DOCK1: variants seen among roughly 807,000 people sequenced by gnomAD.
DOCK1 encodes dedicator of cytokinesis protein 1.
A neutral mutation model predicts 262.7 loss-of-function variants in DOCK1; 138 were observed. The observed-to-expected ratio is 0.53, with a 90% confidence interval of 0.46 to 0.61. The LOEUF is 0.61. DOCK1 is among the 20% of genes least tolerant of loss of function. DOCK1 has a pLI of 0.00. For missense variants in DOCK1, 1,908 were observed against 2,370.7 expected, an observed-to-expected ratio of 0.80 and a Z score of 4.05; for synonymous variants, 866 against 867.4, an observed-to-expected ratio of 1.00 and a Z score of 0.03.
chr10:126,934,662 T>G (rs1237709060), intron 1 of DOCK1, among the ~76,000 whole-genome samples: 1 of 152,164 alleles, frequency 6.6e-6, no homozygotes, highest in Non-Finnish European at 1.5e-5. Context: ...GTGTGTCAAC[T>G]TAACCTACTT....
rs7907649 is a variant in DOCK1 at position 127,379,479 on chromosome 10, C to G, written c.3676-603C>G. 3.6e-3 allele frequency among the ~76,000 whole-genome samples: 548 copies of G among 152,322 alleles called. 5 individuals are homozygous for G. The highest frequency in any genetic ancestry group is 0.012 in the African/African-American group (511 of 41,574). ...AATGTCTTGTGTAGACTGTTTGATA[C>G]AGTAGACTAGCCGCATGTGGCTGTT... On this transcript the variant is annotated intron_variant, in intron 35 of 51. Transcript: ENST00000623213.
chr10:127,045,832 A>T (rs2044311579), intron 21 of DOCK1, among the ~76,000 whole-genome samples: 1 of 152,178 alleles, frequency 6.6e-6, no homozygotes, highest in Non-Finnish European at 1.5e-5. Flanking sequence ...GAGCTGCTGC[A>T]GGCTCCTCAC....
intron 1 of DOCK1, among the ~76,000 whole-genome samples, chr10:126,956,618 G>A (rs1416664806): frequency 6.6e-6 from 1 of 152,194 alleles, no homozygotes; most frequent in Admixed American, 6.5e-5. Flanking sequence ...CTAAGCAAAT[G>A]TTTATTGTGC....
At chr10:127,122,855 G>A (rs773772318) in intron 25 of DOCK1, among the ~76,000 whole-genome samples, 27 of 152,168 alleles carry the variant, frequency 1.8e-4, no homozygotes, top group Non-Finnish European at 2.9e-4. Flanking sequence ...TGAACAGACA[G>A]ACACCTCTTT....
rs116810884 is a variant in DOCK1, at chr10:127,418,718, C to G, written c.4692+177C>G. ...CGGCCCCTGAAGCCTGCAGCAAGGT[C>G]AAGGCCGGAGTCCCGGCAAGGCTCC... On this transcript the variant is annotated intron_variant, in intron 45 of 51. Transcript: ENST00000623213. Among the ~76,000 whole-genome samples the G allele has an allele frequency of 2.9e-3, 443 of 152,356 alleles. No individual in the cohort carries two copies. Among genetic ancestry groups the G allele is most frequent in the African/African-American group, 9.3e-3 (388 of 41,584 alleles).
At chr10:127,380,166 A>G in intron 36 of DOCK1, 44 bp downstream of exon 36, 1 of 1,352,376 alleles carries the variant, frequency 7.4e-7, no homozygotes, top group Non-Finnish European at 1.0e-6. Flanking sequence ...TATAAATAAT[A>G]ATATATGTTG....
intron 1 of DOCK1, among the ~76,000 whole-genome samples, chr10:126,964,107 A>C (rs1384397493): frequency 6.6e-6 from 1 of 152,190 alleles, no homozygotes; most frequent in African/African-American, 2.4e-5. Context: ...AGCCGTTTGC[A>C]ACAATACAGT....
At chr10:127,284,339 A>G (rs1434803827) in intron 29 of DOCK1, among the ~76,000 whole-genome samples, 1 of 151,932 alleles carries the variant, frequency 6.6e-6, no homozygotes, top group Admixed American at 6.6e-5. Flanking sequence ...ATCTTTTTTA[A>G]TGATTTCTCT....
At chr10:127,420,785 G>A (rs906591887) in intron 46 of DOCK1, among the ~76,000 whole-genome samples, 7 of 151,684 alleles carry the variant, frequency 4.6e-5, no homozygotes, top group Non-Finnish European at 1.0e-4. Context: ...GTTGCAGTGA[G>A]CTGAGATCAC....
chr10:127,150,076 G>C (rs577778505), intron 27 of DOCK1, among the ~76,000 whole-genome samples: 1 of 152,266 alleles, frequency 6.6e-6, no homozygotes, highest in East Asian at 1.9e-4. Flanking sequence ...AACAAGACAT[G>C]GATGTAGATT....
Position 127,248,048 on chromosome 10 carries a change from T to A in DOCK1, c.2888T>A (p.Met963Lys). 6.2e-7 allele frequency: 1 copy of A among 1,614,002 alleles called. No individual in the cohort carries two copies. Among genetic ancestry groups the A allele is most frequent in the Non-Finnish European group, 8.5e-7 (1 of 1,179,892 alleles). Residue 963 changes from methionine (M) to lysine (K), a missense_variant, in exon 28 of 52, where the codon ATG (methionine) becomes AAG (lysine). Physicochemically the swap from Met to Lys is moderately conservative, Grantham distance 95. Transcript: ENST00000623213. ...TGCATGACAGCTATTTTACGACAAA[T>A]GGAAGATTACCATTATGCCCACTTG... ...VACMTAILRQ[M>K]EDYHYAHLIK...
At chr10:127,178,260 A>G (rs117509379) in intron 27 of DOCK1, among the ~76,000 whole-genome samples, 7 of 152,354 alleles carry the variant, frequency 4.6e-5, no homozygotes, top group East Asian at 1.9e-4. Context: ...ACATTATGCT[A>G]TGAACAACTA....
intron 44 of DOCK1, 72 bp downstream of exon 44, chr10:127,415,310 C>T: frequency 6.8e-7 from 1 of 1,460,816 alleles, no homozygotes; most frequent in East Asian, 2.3e-5. Flanking sequence ...CCTTCTTCAC[C>T]TGCTCATGCC....
At chr10:127,448,368 A>G (rs2070729034) in intron 51 of DOCK1, among the ~76,000 whole-genome samples, 1 of 152,154 alleles carries the variant, frequency 6.6e-6, no homozygotes, top group African/African-American at 2.4e-5. Context: ...AAGCCATTTA[A>G]ACAAGCACCT....
chr10:127,342,095 T>TTGCTGC (rs955397873), intron 30 of DOCK1, among the ~76,000 whole-genome samples: 10 of 114,638 alleles, frequency 8.7e-5, no homozygotes, highest in East Asian at 6.7e-4. Flanking sequence ...GCTGTTGTTG[T>TTGCTGC]TGCTGCTGCT....
At chr10:127,186,828 G>A (rs780891465) in intron 27 of DOCK1, among the ~76,000 whole-genome samples, 13 of 152,022 alleles carry the variant, frequency 8.6e-5, no homozygotes, top group East Asian at 1.9e-4. Context: ...TTAGGGGAAC[G>A]GTGAGTCGAG....
intron 29 of DOCK1, among the ~76,000 whole-genome samples, chr10:127,310,438 TG>T (rs745990685): frequency 7.9e-5 from 12 of 152,238 alleles, no homozygotes; most frequent in Non-Finnish European, 1.3e-4. Flanking sequence ...GGCCGGGCTT[TG>T]TCGCTGCCTT....
chr10:127,111,091 A>G (rs1353547266), intron 25 of DOCK1, among the ~76,000 whole-genome samples: 4 of 152,014 alleles, frequency 2.6e-5, no homozygotes, highest in Non-Finnish European at 4.4e-5. Context: ...TGTTGTCCTC[A>G]TTCTTGGTGT....
intron 1 of DOCK1, among the ~76,000 whole-genome samples, chr10:126,934,624 T>G (rs1301148331): frequency 6.6e-6 from 1 of 152,238 alleles, no homozygotes; most frequent in Non-Finnish European, 1.5e-5. Flanking sequence ...GCAGGTTTTT[T>G]GTTTTGTTTT....
Sources: gnomAD v4.1 joint callset for allele counts (sites outside exome capture counted in the v4.1 genomes callset) on GRCh38, gnomAD v4.1.1 for gene constraint, MANE v1.5 for transcripts, NCBI Gene and HGNC (gene_info 2026-07-23, HGNC 2026-07-21) for gene names.